TNFAIP8L3: variants seen among roughly 807,000 people sequenced by gnomAD.
TNFAIP8L3 encodes TNF alpha induced protein 8 like 3.
A neutral mutation model predicts 11.8 loss-of-function variants in TNFAIP8L3; 7 were observed. That is an observed-to-expected ratio of 0.59 (90% CI 0.34 to 1.11). TNFAIP8L3 has a LOEUF of 1.11. Ranked by LOEUF, TNFAIP8L3 falls within the 50% of genes most tolerant of loss-of-function variation. The pLI, the probability that TNFAIP8L3 is intolerant of heterozygous loss-of-function variation, is 0.03. For synonymous variants in TNFAIP8L3, 98 were observed against 103.8 expected (o/e 0.94, Z 0.34); for missense variants, 219 against 258.6 (o/e 0.85, Z 1.05).
At chr15:51,092,567 C>T (rs1052783646) in intron 1 of TNFAIP8L3, among the ~76,000 whole-genome samples, 3 of 152,216 alleles carry the variant, frequency 2.0e-5, no homozygotes, top group African/African-American at 4.8e-5. Flanking sequence ...GATTCAAGCA[C>T]ACGCAGAAAG....
At chr15:51,095,204 G>A (rs996608091), upstream of TNFAIP8L3, among the ~76,000 whole-genome samples, 19 of 138,544 alleles carry the variant, frequency 1.4e-4, no homozygotes, top group Admixed American at 6.2e-4. Flanking sequence ...TTCTCACTAG[G>A]AAGATGAGGG....
upstream of TNFAIP8L3, among the ~76,000 whole-genome samples, chr15:51,095,553 CCCTCGA>C (rs2065508493): frequency 6.6e-6 from 1 of 152,062 alleles, no homozygotes; most frequent in South Asian, 2.1e-4. Context: ...CTATTTCGCG[CCCTCGA>C]CTAGAGGGGC....
chr15:51,063,120 G>C (rs1232540356), intron 1 of TNFAIP8L3, among the ~76,000 whole-genome samples: 1 of 152,194 alleles, frequency 6.6e-6, no homozygotes, highest in East Asian at 1.9e-4. Context: ...CTGGATTTTA[G>C]CTCTGTAAAA....
chr15:51,089,815 G>A (rs2065454707), intron 1 of TNFAIP8L3, among the ~76,000 whole-genome samples: 2 of 152,200 alleles, frequency 1.3e-5, no homozygotes, highest in Non-Finnish European at 1.5e-5. Context: ...AGCAGCTACA[G>A]CTTACTCTGT....
At chr15:51,078,994 C>T (rs1334135381) in intron 1 of TNFAIP8L3, among the ~76,000 whole-genome samples, 2 of 152,278 alleles carry the variant, frequency 1.3e-5, no homozygotes, top group South Asian at 2.1e-4. Flanking sequence ...CAGCAGGCTT[C>T]GATGATGCTG....
intron 1 of TNFAIP8L3, among the ~76,000 whole-genome samples, chr15:51,064,318 A>C (rs1268518698): frequency 6.6e-6 from 1 of 152,142 alleles, no homozygotes; most frequent in African/African-American, 2.4e-5. Context: ...AGGTCAGTTA[A>C]ATGAGTTTGT....
At chr15:51,077,775 C>T (rs1053268937) in intron 1 of TNFAIP8L3, among the ~76,000 whole-genome samples, 18 of 152,228 alleles carry the variant, frequency 1.2e-4, no homozygotes, top group African/African-American at 4.3e-4. Context: ...GGGGCGGAGC[C>T]TCAGGATTTC....
chr15:51,101,806 C>G (rs551067869), intron 1 of TNFAIP8L3, among the ~76,000 whole-genome samples: 1 of 150,576 alleles, frequency 6.6e-6, no homozygotes, highest in Non-Finnish European at 1.5e-5. Context: ...ATTAGCGAGG[C>G]GTGATGGCGG....
upstream of TNFAIP8L3, among the ~76,000 whole-genome samples, chr15:51,095,449 G>A (rs1269692863): frequency 6.6e-6 from 1 of 152,146 alleles, no homozygotes; most frequent in Non-Finnish European, 1.5e-5. Context: ...GGCAGGTGGG[G>A]CAAGCGGTGG....
chr15:51,065,554 T>C, intron 1 of TNFAIP8L3, among the ~76,000 whole-genome samples: 1 of 152,134 alleles, frequency 6.6e-6, no homozygotes, highest in East Asian at 1.9e-4. Flanking sequence ...TAATAAATTT[T>C]GGGAAAAATA....
chr15:51,090,209 T>G (rs2065458076), intron 1 of TNFAIP8L3, among the ~76,000 whole-genome samples: 1 of 152,216 alleles, frequency 6.6e-6, no homozygotes, highest in African/African-American at 2.4e-5. Flanking sequence ...CACTGTCTCC[T>G]TCAACTCTCC....
intron 1 of TNFAIP8L3, among the ~76,000 whole-genome samples, chr15:51,066,677 C>T (rs546613698): frequency 5.9e-5 from 9 of 152,138 alleles, no homozygotes; most frequent in South Asian, 2.1e-4. Flanking sequence ...AGGGGTGAGG[C>T]GTGGTGGTAT....
intron 1 of TNFAIP8L3, among the ~76,000 whole-genome samples, chr15:51,071,137 C>T (rs2065306596): frequency 6.6e-6 from 1 of 151,300 alleles, no homozygotes; most frequent in African/African-American, 2.4e-5. Context: ...TATGTAATGC[C>T]TAAAAACATA....
chr15:51,074,940 G>A (rs1235306328), intron 1 of TNFAIP8L3, among the ~76,000 whole-genome samples: 1 of 152,204 alleles, frequency 6.6e-6, no homozygotes, highest in Non-Finnish European at 1.5e-5. Flanking sequence ...GCTGCACTGC[G>A]ACTGGCCATC....
At chr15:51,070,334 A>G (rs1180589142) in intron 1 of TNFAIP8L3, among the ~76,000 whole-genome samples, 2 of 152,360 alleles carry the variant, frequency 1.3e-5, no homozygotes, top group East Asian at 1.9e-4. Context: ...AAGCTTATTC[A>G]TTCCCCCAAA....
intron 1 of TNFAIP8L3, among the ~76,000 whole-genome samples, chr15:51,063,796 T>C (rs2065254033): frequency 6.6e-6 from 1 of 152,200 alleles, no homozygotes; most frequent in Non-Finnish European, 1.5e-5. Context: ...CAGCCCACAC[T>C]GGCATGAGTG....
intron 1 of TNFAIP8L3, among the ~76,000 whole-genome samples, chr15:51,091,407 T>C (rs924083749): frequency 7.2e-5 from 11 of 152,166 alleles, no homozygotes; most frequent in Non-Finnish European, 1.3e-4. Flanking sequence ...TCCTGCCACC[T>C]TGAAGGGAAA....
Position 51,094,480 on chromosome 15 carries a change from GC to G in TNFAIP8L3, c.52+63del. On this transcript the variant is annotated intron_variant, in intron 1 of 1. Coordinates refer to ENST00000637513, the MANE Select transcript of TNFAIP8L3 (RefSeq NM_001311175.2). This position sits in a 1 kb window ranked among gnomAD's most constrained non-coding sequence, Gnocchi z 4.4. Reference sequence around the variant, plus strand: ...CTGAGGATCGGCTTCCCGATTTCATGCCCCAGCCTCCCGTCCTCCCCAGCCC... The same window carrying G: ...CTGAGGATCGGCTTCCCGATTTCATGCCCAGCCTCCCGTCCTCCCCAGCCC... The G allele has an allele frequency of 1.4e-6, 2 of 1,390,994 alleles. No homozygotes were observed. The highest frequency in any genetic ancestry group is 3.1e-5 in the East Asian group (1 of 31,746). The allele number at this position is 1,390,994 out of a possible 1,614,324, so 86.2% of individuals were successfully genotyped here. A position where few individuals can be genotyped will look rare whatever the true frequency, so the allele number is the denominator to read the frequency against.
intron 1 of TNFAIP8L3, among the ~76,000 whole-genome samples, chr15:51,100,695 G>A (rs529461616): frequency 1.3e-5 from 2 of 152,226 alleles, no homozygotes; most frequent in South Asian, 2.1e-4. Flanking sequence ...CCAAGGTGGG[G>A]GAATCAAGAT....
Sources: allele counts gnomAD v4.1 joint callset (sites outside exome capture counted in the v4.1 genomes callset), GRCh38; gene constraint gnomAD v4.1.1; non-coding constraint Gnocchi (gnomAD v3.1); transcripts MANE v1.5; gene names NCBI Gene and HGNC (gene_info 2026-07-23, HGNC 2026-07-21).